CAMKMT: variants seen among roughly 807,000 people sequenced by gnomAD.
The protein encoded by CAMKMT is calmodulin-lysine N-methyltransferase, also known as CaM KMT.
A neutral mutation model predicts 48.0 loss-of-function variants in CAMKMT; 53 were observed. The ratio of observed to expected loss-of-function variants is 1.10; its 90% confidence interval spans 0.89 to 1.39. The LOEUF is 1.39. Among genes scored for constraint, CAMKMT ranks in the 40% most tolerant of loss-of-function variants. The probability of loss-of-function intolerance (pLI) is 0.00; values close to 1 mark genes in which losing one functional copy is unlikely to be tolerated. For missense variants in CAMKMT, 428 were observed against 402.7 expected (o/e 1.06, Z -0.54); for synonymous variants, 165 against 152.3 (o/e 1.08, Z -0.61).
chr2:44,566,642 A>T (rs559681414), intron 3 of CAMKMT, among the ~76,000 whole-genome samples: 4 of 150,866 alleles, frequency 2.7e-5, no homozygotes, highest in African/African-American at 4.8e-5. Context: ...GACATCATTT[A>T]AAAAAAAAAT....
chr2:44,644,546 G>T (rs1297173909), intron 3 of CAMKMT, among the ~76,000 whole-genome samples: 1 of 152,154 alleles, frequency 6.6e-6, no homozygotes, highest in East Asian at 1.9e-4. Flanking sequence ...AAAGGCTTTT[G>T]TATTTTCTTC....
chr2:44,707,879 G>C (rs1379900453), intron 6 of CAMKMT, among the ~76,000 whole-genome samples: 4 of 152,028 alleles, frequency 2.6e-5, no homozygotes, highest in African/African-American at 4.8e-5. Flanking sequence ...ACTTGATATT[G>C]TATGTACTGT....
intron 3 of CAMKMT, among the ~76,000 whole-genome samples, chr2:44,453,153 A>G (rs1028821089): frequency 1.3e-5 from 2 of 151,984 alleles, no homozygotes; most frequent in Non-Finnish European, 2.9e-5. Flanking sequence ...CTTGTGTTGT[A>G]ATTCAATCAT....
chr2:44,743,859 G>A (rs1281916424), intron 8 of CAMKMT, among the ~76,000 whole-genome samples, 163 bp downstream of exon 8: 1 of 152,184 alleles, frequency 6.6e-6, no homozygotes, highest in African/African-American at 2.4e-5. Context: ...CAGTTATAAG[G>A]TAGTCTTCTA....
chr2:44,437,694 T>C (rs60059363), intron 3 of CAMKMT, among the ~76,000 whole-genome samples: 18,266 of 151,878 alleles, frequency 0.12, 1,702 homozygotes, highest in African/African-American at 0.26. Context: ...ACAATAATTA[T>C]AAAAATCATT....
chr2:44,667,442 A>G (rs1342404965), intron 3 of CAMKMT, among the ~76,000 whole-genome samples: 2 of 152,148 alleles, frequency 1.3e-5, no homozygotes, highest in East Asian at 3.8e-4. Context: ...CTCCTGTCTC[A>G]AGAACTGTAG....
At chr2:44,511,194 G>A (rs1670530117) in intron 3 of CAMKMT, among the ~76,000 whole-genome samples, 1 of 152,124 alleles carries the variant, frequency 6.6e-6, no homozygotes, top group Non-Finnish European at 1.5e-5. Context: ...CCACTTTTAA[G>A]TGACAACATA....
At chr2:44,486,998 A>G (rs1669247835) in intron 3 of CAMKMT, among the ~76,000 whole-genome samples, 1 of 152,230 alleles carries the variant, frequency 6.6e-6, no homozygotes, top group South Asian at 2.1e-4. Flanking sequence ...AGATTTGATC[A>G]TTTTGGAACA....
At chr2:44,616,122 C>T (rs150998894) in intron 3 of CAMKMT, among the ~76,000 whole-genome samples, 1 of 152,304 alleles carries the variant, frequency 6.6e-6, no homozygotes, top group East Asian at 1.9e-4. Context: ...CTGACTGTCA[C>T]TCTGCTCCCT....
rs371507798 is a variant in CAMKMT at position 44,383,831 on chromosome 2, A to G, written c.312-6410A>G. On this transcript the variant is annotated intron_variant, in intron 2 of 10. Coordinates refer to ENST00000378494, the MANE Select transcript of CAMKMT (RefSeq NM_024766.5). ...AATTCATTCCTTTGTGTAGTATTCC[A>G]TTGTATATATATATATACCACAGTT... Among the ~76,000 whole-genome samples the G allele has an allele frequency of 6.4e-4, 97 of 152,178 alleles. 3 individuals carry two copies. The South Asian group carries it at 0.019, about 31-fold the overall frequency.
At position 44,686,551 on chromosome 2, in the gene CAMKMT, G is replaced by A. The variant is rs1573076760; in HGVS notation, c.377-17732G>A. 2.0e-5 allele frequency among the ~76,000 whole-genome samples: 3 copies of A among 152,228 alleles called. No homozygotes were observed. The East Asian group carries it at 5.8e-4, about 29-fold the overall frequency. ...ATGCTAGGAACTCTCTACTATCTTT[G>A]CAACTTTTCTGTAAACCTAAAATTA... On this transcript the variant is annotated intron_variant, in intron 3 of 10. Transcript: ENST00000378494.
intron 3 of CAMKMT, among the ~76,000 whole-genome samples, chr2:44,527,785 G>GC (rs71393280): frequency 0.13 from 11,305 of 84,650 alleles, 1,610 homozygotes; most frequent in African/African-American, 0.29. Flanking sequence ...CATGTGTACA[G>GC]CCCCCCCCCC....
chr2:44,486,281 C>G (rs1014389143), intron 3 of CAMKMT, among the ~76,000 whole-genome samples: 2 of 152,146 alleles, frequency 1.3e-5, no homozygotes, highest in African/African-American at 2.4e-5. Context: ...TGTGTTCACT[C>G]TGTGATAATT....
At chr2:44,465,338 C>T (rs564676757) in intron 3 of CAMKMT, among the ~76,000 whole-genome samples, 1 of 152,230 alleles carries the variant, frequency 6.6e-6, no homozygotes, top group Admixed American at 6.5e-5. Flanking sequence ...TAGATCACTC[C>T]TGTAATCCCA....
intron 3 of CAMKMT, among the ~76,000 whole-genome samples, chr2:44,485,551 C>T (rs752111774): frequency 2.0e-5 from 3 of 152,096 alleles, no homozygotes; most frequent in Non-Finnish European, 4.4e-5. Context: ...CTTACACAAA[C>T]CTAGATGGTA....
chr2:44,673,913 C>T (rs189168103), intron 3 of CAMKMT, among the ~76,000 whole-genome samples: 8 of 152,324 alleles, frequency 5.3e-5, no homozygotes, highest in African/African-American at 1.7e-4. Flanking sequence ...GCCCTCAGAG[C>T]TCCAGACACC....
chr2:44,711,518 T>C (rs1018924187), intron 6 of CAMKMT, among the ~76,000 whole-genome samples: 1 of 152,206 alleles, frequency 6.6e-6, no homozygotes, highest in Non-Finnish European at 1.5e-5. Flanking sequence ...GGTCTTGCTG[T>C]GTTGCCCAGG....
chr2:44,376,788 A>G (rs1464107636), intron 2 of CAMKMT, among the ~76,000 whole-genome samples: 3 of 152,194 alleles, frequency 2.0e-5, no homozygotes. Flanking sequence ...AATAATTAAA[A>G]TGAAGGAATA....
At chr2:44,487,016 C>A (rs868069814) in intron 3 of CAMKMT, among the ~76,000 whole-genome samples, 2 of 152,282 alleles carry the variant, frequency 1.3e-5, no homozygotes, top group Non-Finnish European at 2.9e-5. Flanking sequence ...ACATGTAATT[C>A]TTATCAGCAC....
Sources: allele counts gnomAD v4.1 joint callset (sites outside exome capture counted in the v4.1 genomes callset), GRCh38; gene constraint gnomAD v4.1.1; transcripts MANE v1.5; gene names NCBI Gene and HGNC (gene_info 2026-07-23, HGNC 2026-07-21).